Variants in ZNF350 observed in about 807,000 individuals in gnomAD.
The protein encoded by ZNF350 is KRAB zinc finger protein ZFQR.
Under a neutral mutation model 13.1 loss-of-function variants are expected in ZNF350, and 5 were observed. The ratio of observed to expected loss-of-function variants is 0.38; its 90% confidence interval spans 0.20 to 0.80. The LOEUF (loss-of-function observed/expected upper bound fraction) is 0.80, where lower values mean the gene tolerates loss of function less well. ZNF350 is among the 30% of genes least tolerant of loss of function. ZNF350 has a pLI of 0.43. For missense variants in ZNF350, 534 were observed against 644.2 expected (o/e 0.83, Z 1.85); for synonymous variants, 199 against 224.2 (o/e 0.89, Z 1.00).
chr19:51,965,713 A>T lies in ZNF350; in HGVS notation c.740T>A (p.Phe247Tyr). 1 of 1,614,020 alleles carries T rather than the reference A, an allele frequency of 6.2e-7. No homozygotes were observed. Among genetic ancestry groups the T allele is most frequent in the Non-Finnish European group, 8.5e-7 (1 of 1,179,992 alleles). Residue 247 changes from phenylalanine to tyrosine, a missense_variant, in exon 5 of 5, where the codon TTC becomes TAC. Transcript: ENST00000243644. The part of the protein sequence containing the change: ...SLCEKAFSRK[F>Y]MLTEHQRTHT... ...AGTTCGCTGATGTTCAGTAAGCATG[A>T]ACTTTCTGGAGAAGGCTTTCTCACA...
At chr19:51,970,996 A>T (rs1343723910) in intron 2 of ZNF350, among the ~76,000 whole-genome samples, 1 of 152,206 alleles carries the variant, frequency 6.6e-6, no homozygotes, top group African/African-American at 2.4e-5. Flanking sequence ...AACCTTGAAG[A>T]CCATTTAGGA....
chr19:51,982,774 T>C (rs192898239), intron 1 of ZNF350, among the ~76,000 whole-genome samples: 1 of 152,290 alleles, frequency 6.6e-6, no homozygotes, highest in East Asian at 1.9e-4. Flanking sequence ...ACAATATTAG[T>C]ACAATAACAG....
In ZNF350 at chr19:51,968,806, GA is replaced by G; in HGVS notation, c.143-134del. The stretch of plus-strand genomic sequence containing the variant: ...AATTTAGTTTCTTATCTGAAACTAT[GA>G]AAGTTTCGTTTCATATCTGTAACAT... On this transcript the variant is annotated intron_variant, in intron 3 of 4. Coordinates refer to ENST00000243644, the MANE Select transcript of ZNF350 (RefSeq NM_021632.4). 5.0e-6 allele frequency: 7 copies of G among 1,412,308 alleles called. No individual in the cohort carries two copies. The South Asian group carries it at 7.8e-5, about 16-fold the overall frequency. 87.5% of individuals were successfully genotyped at this position (1,412,308 alleles called of 1,614,324 possible).
In ZNF350 at chr19:51,964,753, A is replaced by G. The variant is rs747611134; in HGVS notation, c.*101T>C. On this transcript the variant is annotated 3_prime_UTR_variant, in exon 5 of 5. Coordinates refer to ENST00000243644, the MANE Select transcript of ZNF350 (RefSeq NM_021632.4). ...TTTAATAGGATGAGTTTATCAGGCT[A>G]TCTCAGCCTTATACATGTTCTCTCA... The G allele has an allele frequency of 1.9e-5, 26 of 1,341,652 alleles. No individual in the cohort carries two copies. The highest frequency in any genetic ancestry group is 4.3e-5 in the South Asian group (3 of 69,734). 83.1% of individuals were successfully genotyped at this position (1,341,652 alleles called of 1,614,324 possible).
intron 1 of ZNF350, among the ~76,000 whole-genome samples, chr19:51,983,793 A>G (rs1283990281): frequency 6.6e-6 from 1 of 152,212 alleles, no homozygotes; most frequent in Non-Finnish European, 1.5e-5. Context: ...CTCAGAGACC[A>G]GTGCCGGTGT....
chr19:51,981,823 A>G (rs555510440), intron 1 of ZNF350: 1 of 152,340 alleles, frequency 6.6e-6, no homozygotes, highest in East Asian at 1.9e-4. Context: ...ACAGCAAAAA[A>G]TAGAACCAAA....
rs1319151638 is a variant in ZNF350, at chr19:51,964,830, T to C, written c.*24A>G. On this transcript the variant is annotated 3_prime_UTR_variant, in exon 5 of 5. Coordinates refer to ENST00000243644, the MANE Select transcript of ZNF350 (RefSeq NM_021632.4). The stretch of plus-strand genomic sequence containing the variant: ...ACTACAAATTTTTGCTCAACCCTTT[T>C]CCACATAGATCTGAGTTTTCTTCCT... The C allele has an allele frequency of 1.3e-6, 2 of 1,584,834 alleles. No individual in the cohort carries two copies. The highest frequency in any genetic ancestry group is 1.7e-6 in the Non-Finnish European group (2 of 1,163,442).
At chr19:51,985,993 G>A (rs77292208) in intron 1 of ZNF350, among the ~76,000 whole-genome samples, 1 of 152,026 alleles carries the variant, frequency 6.6e-6, no homozygotes, top group Non-Finnish European at 1.5e-5. Flanking sequence ...GGAGACAAAA[G>A]TGAAACTCCG....
At chr19:51,966,859 C>A (rs1165525207) in intron 4 of ZNF350, among the ~76,000 whole-genome samples, 1 of 151,616 alleles carries the variant, frequency 6.6e-6, no homozygotes, top group Non-Finnish European at 1.5e-5. Context: ...GTTAGCCAGG[C>A]TGATCTCGAA....
chr19:51,977,088 G>A (rs541111660), intron 1 of ZNF350, among the ~76,000 whole-genome samples: 34 of 152,202 alleles, frequency 2.2e-4, no homozygotes, highest in African/African-American at 6.5e-4. Flanking sequence ...TGCCTCCTTC[G>A]GTGGCAGAAA....
chr19:51,964,628 G>T lies in ZNF350; in HGVS notation c.*226C>A. On this transcript the variant is annotated 3_prime_UTR_variant, in exon 5 of 5. Coordinates refer to ENST00000243644, the MANE Select transcript of ZNF350 (RefSeq NM_021632.4). ...AGTACTTCATTTCCTCCACTTAAAA[G>T]TACTTGGGCTTCCTTTACTCATTTA... 1.9e-6 allele frequency: 1 copy of T among 534,938 alleles called. No homozygotes were observed. Among genetic ancestry groups the T allele is most frequent in the Admixed American group, 3.5e-5 (1 of 28,348 alleles). 33.1% of individuals were successfully genotyped at this position (534,938 alleles called of 1,614,324 possible).
In ZNF350 at chr19:51,986,833, T is replaced by A. The variant is rs923237256; in HGVS notation, c.-235A>T. 6.6e-6 allele frequency: 1 copy of A among 152,118 alleles called. No individual in the cohort carries two copies. Among genetic ancestry groups the A allele is most frequent in the Non-Finnish European group, 1.5e-5 (1 of 68,036 alleles). The allele number at this position is 152,118 out of a possible 1,614,324, so 9.4% of individuals were successfully genotyped here. On this transcript the variant is annotated 5_prime_UTR_variant, in exon 1 of 5. Transcript: ENST00000243644. ...TACACTTCCGTAAACTGCTCCTACT[T>A]CTGGAGTCCTCGCACGGGTTTATGG...
chr19:51,983,321 G>A (rs1175134127), intron 1 of ZNF350, among the ~76,000 whole-genome samples: 1 of 152,182 alleles, frequency 6.6e-6, no homozygotes, highest in East Asian at 1.9e-4. Context: ...GATACAGCCT[G>A]AGATATGGTC....
intron 4 of ZNF350, 35 bp from the exon 5 acceptor site, chr19:51,966,249 G>C: frequency 6.6e-7 from 1 of 1,514,866 alleles, no homozygotes; most frequent in Non-Finnish European, 8.8e-7. Context: ...CTATCATTTA[G>C]ATTTGGGGTA....
intron 1 of ZNF350, among the ~76,000 whole-genome samples, chr19:51,979,079 T>C (rs1350475224): frequency 6.6e-6 from 1 of 151,992 alleles, no homozygotes; most frequent in Non-Finnish European, 1.5e-5. Context: ...CTGTACGAGC[T>C]ATGAGTCAGC....
intron 1 of ZNF350, chr19:51,981,118 G>A (rs1342781403): frequency 1.3e-5 from 2 of 152,216 alleles, no homozygotes; most frequent in African/African-American, 4.8e-5. Flanking sequence ...TACAGGATGT[G>A]AGCAAACTCA....
chr19:51,968,607 T>G lies in ZNF350; in HGVS notation c.209A>C (p.Glu70Ala). 6.2e-7 allele frequency: 1 copy of G among 1,614,148 alleles called. No individual in the cohort carries two copies. The highest frequency in any genetic ancestry group is 8.5e-7 in the Non-Finnish European group (1 of 1,180,022). ...LEQGEQLWTIEDGIHSGACSD... is the reference protein window; with the variant it reads ...LEQGEQLWTIADGIHSGACSD... ...ACAGGCTCCACTGTGGATTCCATCT[T>G]CAATTGTCCACAGTTGTTCTCCTTG... The change falls in exon 4 of 5, where the codon GAA (glutamate) becomes GCA (alanine). Residue 70 changes from glutamate to alanine, a missense_variant. Coordinates refer to ENST00000243644, the MANE Select transcript of ZNF350 (RefSeq NM_021632.4).
At chr19:51,985,348 A>T (rs2086139703) in intron 1 of ZNF350, among the ~76,000 whole-genome samples, 1 of 152,328 alleles carries the variant, frequency 6.6e-6, no homozygotes, top group Non-Finnish European at 1.5e-5. Flanking sequence ...TAAGATAAGA[A>T]TGAATTATAA....
intron 1 of ZNF350, among the ~76,000 whole-genome samples, chr19:51,986,164 C>A (rs2122973059): frequency 6.6e-6 from 1 of 152,210 alleles, no homozygotes; most frequent in South Asian, 2.1e-4. Context: ...TGAACTTGAC[C>A]CCCCGATCTG....
Sources: gnomAD v4.1 joint callset for allele counts (sites outside exome capture counted in the v4.1 genomes callset) on GRCh38, gnomAD v4.1.1 for gene constraint, MANE v1.5 for transcripts, NCBI Gene and HGNC (gene_info 2026-07-23, HGNC 2026-07-21) for gene names.